Variants in MYH13 observed in about 807,000 individuals in gnomAD.
MYH13 encodes myosin heavy chain 13, also known as myosin-13.
In MYH13, 177 loss-of-function variants were observed where a neutral mutation model predicts 232.1. That is an observed-to-expected ratio of 0.76 (90% CI 0.67 to 0.86). MYH13 has a LOEUF of 0.86. Ranked by LOEUF, MYH13 falls within the 40% of genes least tolerant of loss-of-function variation. The pLI, the probability that MYH13 is intolerant of heterozygous loss-of-function variation, is 0.00. For synonymous variants in MYH13, 884 were observed against 923.5 expected (o/e 0.96, Z 0.78); for missense variants, 2,246 against 2,405.9 (o/e 0.93, Z 1.39).
chr17:10,345,419 A>T, intron 14 of MYH13, 47 bp from the exon 15 acceptor site: 1 of 1,614,220 alleles, frequency 6.2e-7, no homozygotes, highest in Non-Finnish European at 8.5e-7. Context: ...TGGAAAATAC[A>T]TTGGAGATTC....
At chr17:10,368,906 C>T (rs1181190263) in intron 2 of MYH13, among the ~76,000 whole-genome samples, 1 of 152,212 alleles carries the variant, frequency 6.6e-6, no homozygotes, top group African/African-American at 2.4e-5. Flanking sequence ...GCAACATAAT[C>T]TCTATGGCTG....
chr17:10,313,384 A>C (rs1185262377), intron 29 of MYH13, 30 bp from the exon 30 acceptor site: 9 of 1,614,086 alleles, frequency 5.6e-6, no homozygotes, highest in Non-Finnish European at 7.6e-6. Flanking sequence ...CAAATTGCAA[A>C]AACATTTGAC....
intron 2 of MYH13, among the ~76,000 whole-genome samples, chr17:10,368,733 G>A (rs148027562): frequency 6.6e-6 from 1 of 152,152 alleles, no homozygotes; most frequent in East Asian, 1.9e-4. Context: ...AAAAGTTCTT[G>A]GGACTCTACA....
At chr17:10,346,611 A>AG in intron 13 of MYH13, 69 bp downstream of exon 13, 1 of 1,221,046 alleles carries the variant, frequency 8.2e-7, no homozygotes, top group South Asian at 1.3e-5. Flanking sequence ...CTGCAACTGA[A>AG]GGAGCTTTAA....
Position 10,311,996 on chromosome 17 carries a change from G to T in MYH13, c.4446C>A (p.Ser1482Arg), listed in dbSNP as rs1452495963. 1 of 1,614,010 alleles carries T rather than the reference G, an allele frequency of 6.2e-7. No homozygotes were observed. The highest frequency in any genetic ancestry group is 8.5e-7 in the Non-Finnish European group (1 of 1,179,886). ...CATTCCTCATCTTGAAGAGTTCAGTGCTGAGTGACCTGGACTCCTTCTGAG... is the reference window on the plus strand; with the variant it reads ...CATTCCTCATCTTGAAGAGTTCAGTTCTGAGTGACCTGGACTCCTTCTGAG... ...EAAQKESRSL[S>R]TELFKMRNAY... The change falls in exon 32 of 41, where the codon AGC becomes AGA. Residue 1482 changes from serine to arginine, a missense_variant. Transcript: ENST00000252172.
intron 13 of MYH13, among the ~76,000 whole-genome samples, 181 bp from the exon 14 acceptor site, chr17:10,345,797 A>G (rs958181874): frequency 6.6e-6 from 1 of 152,126 alleles, no homozygotes; most frequent in Admixed American, 6.6e-5. Context: ...GTTCAAGACC[A>G]TCCTGGCCAA....
chr17:10,340,394 G>C lies in MYH13; in HGVS notation c.1902C>G (p.Ser634=). The change falls in exon 17 of 41, where the codon TCC becomes TCG. Residue 634 remains serine, a synonymous_variant. Coordinates refer to ENST00000252172, the MANE Select transcript of MYH13 (RefSeq NM_003802.3). ...SNYAGAETGD[S]GGSKKGGKKK... is the part of the protein sequence containing the mutation. ...TCTTCCCGCCCTTCTTGCTTCCTCC[G>C]GAGTCGCCTGGAGACAGACACAGAA... is the stretch of plus-strand genomic sequence containing the variant. 3.1e-6 allele frequency: 5 copies of C among 1,612,718 alleles called. No individual in the cohort carries two copies. The highest frequency in any genetic ancestry group is 3.4e-6 in the Non-Finnish European group (4 of 1,179,256).
At chr17:10,342,645 T>C (rs1023632599) in intron 16 of MYH13, among the ~76,000 whole-genome samples, 4 of 151,074 alleles carry the variant, frequency 2.6e-5, no homozygotes, top group African/African-American at 9.8e-5. Context: ...TGATACATGC[T>C]ACAACAGGGC....
chr17:10,340,776 T>A (rs1003896702), intron 16 of MYH13, among the ~76,000 whole-genome samples: 3 of 152,008 alleles, frequency 2.0e-5, no homozygotes, highest in African/African-American at 4.8e-5. Flanking sequence ...CCTGGGATTA[T>A]AGGCATGAGC....
chr17:10,327,442 G>A (rs1054112806), intron 22 of MYH13, among the ~76,000 whole-genome samples: 1 of 152,036 alleles, frequency 6.6e-6, no homozygotes, highest in Non-Finnish European at 1.5e-5. Flanking sequence ...TACCACGCCC[G>A]GCCTAAAGCA....
intron 23 of MYH13, among the ~76,000 whole-genome samples, chr17:10,322,836 T>G (rs922347355): frequency 1.3e-5 from 2 of 152,208 alleles, no homozygotes; most frequent in Admixed American, 1.3e-4. Context: ...GGTTTCACCA[T>G]GTTAGCCAGG....
At position 10,300,911 on chromosome 17, in the gene MYH13, C is replaced by A. The variant is rs372817197; in HGVS notation, c.*40G>T. 487 of 1,605,320 alleles carry A rather than the reference C, an allele frequency of 3.0e-4. No individual in the cohort carries two copies. The highest frequency in any genetic ancestry group is 3.9e-4 in the Non-Finnish European group (458 of 1,174,694). On this transcript the variant is annotated 3_prime_UTR_variant, in exon 41 of 41. Coordinates refer to ENST00000252172, the MANE Select transcript of MYH13 (RefSeq NM_003802.3). The stretch of plus-strand genomic sequence containing the variant: ...ATTTCTCACACATTTTCCCTCCACT[C>A]TCTCGGAGGTGTCCCATGGCAACGA...
Position 10,315,914 on chromosome 17 carries a change from G to C in MYH13, c.3850C>G (p.Leu1284Val). Residue 1284 changes from leucine to valine, a missense_variant, in exon 28 of 41, where the codon CTG becomes GTG. Transcript: ENST00000252172. ...IHDLNMQKAR[L>V]QTQNGELSHR... ...CCATTCTCACCATTTTGGGTCTGCA[G>C]TCTTGCTTTCTGCATGTTCAGATCA... 1 of 1,613,986 alleles carries C rather than the reference G, an allele frequency of 6.2e-7. No homozygotes were observed. Among genetic ancestry groups the C allele is most frequent in the Non-Finnish European group, 8.5e-7 (1 of 1,179,900 alleles).
At chr17:10,303,555 G>A (rs996374133) in intron 37 of MYH13, 57 bp from the exon 38 acceptor site, 9 of 1,451,558 alleles carry the variant, frequency 6.2e-6, no homozygotes, top group Non-Finnish European at 9.7e-7. Flanking sequence ...CTTCTCTCAT[G>A]GACTCATGGG....
chr17:10,358,930 T>G (rs935503686), intron 7 of MYH13, among the ~76,000 whole-genome samples: 2 of 152,250 alleles, frequency 1.3e-5, no homozygotes, highest in Non-Finnish European at 1.5e-5. Context: ...CAGAGGAGGA[T>G]GTGGAGTTGG....
chr17:10,350,895 A>G (rs576687860), intron 11 of MYH13: 27 of 647,190 alleles, frequency 4.2e-5, no homozygotes, highest in Admixed American at 1.7e-4. Flanking sequence ...TATGGGAAAA[A>G]GATGTGAATT....
intron 18 of MYH13, among the ~76,000 whole-genome samples, chr17:10,338,022 C>T (rs538107449): frequency 1.4e-4 from 22 of 152,184 alleles, no homozygotes; most frequent in African/African-American, 5.1e-4. Flanking sequence ...CACTACACTC[C>T]GGCCTGGCGA....
chr17:10,346,734 A>C lies in MYH13; in HGVS notation c.1209T>G (p.Cys403Trp). Residue 403 changes from cysteine to tryptophan, a missense_variant, in exon 13 of 41, where the codon TGT (cysteine) becomes TGG (tryptophan). Coordinates refer to ENST00000252172, the MANE Select transcript of MYH13 (RefSeq NM_003802.3). ...NSAEMLKGLC[C>W]PRVKVGNEYV... is the part of the protein sequence containing the mutation. ...ATTCATTGCCAACCTTCACCCTTGG[A>C]CAGCACAGGCCCTTCAGCATTTCTG... 1 of 1,613,988 alleles carries C rather than the reference A, an allele frequency of 6.2e-7. No homozygotes were observed. The highest frequency in any genetic ancestry group is 1.3e-5 in the African/African-American group (1 of 75,044).
intron 11 of MYH13, among the ~76,000 whole-genome samples, chr17:10,352,266 A>G (rs928702978): frequency 6.6e-6 from 1 of 152,148 alleles, no homozygotes; most frequent in Non-Finnish European, 1.5e-5. Context: ...CTTTGAGTTC[A>G]TAAAAAGGGA....
Sources: allele counts gnomAD v4.1 joint callset (sites outside exome capture counted in the v4.1 genomes callset), GRCh38; gene constraint gnomAD v4.1.1; transcripts MANE v1.5; gene names NCBI Gene and HGNC (gene_info 2026-07-23, HGNC 2026-07-21).